Variants in RGSL1 observed in about 807,000 individuals in gnomAD.
RGSL1 encodes the protein regulator of G protein signaling protein-like.
A neutral mutation model predicts 124.7 loss-of-function variants in RGSL1; 97 were observed. The ratio of observed to expected loss-of-function variants is 0.78; its 90% CI spans 0.66 to 0.92. The LOEUF (loss-of-function observed/expected upper bound fraction) is 0.92. Among genes scored for constraint, RGSL1 ranks in the 40% least tolerant of loss-of-function variants. RGSL1 has a pLI of 0.00. For missense variants in RGSL1, 1,233 were observed against 1,288.4 expected (o/e 0.96, Z 0.66); for synonymous variants, 424 against 438.1 (o/e 0.97, Z 0.40).
At chr1:182,477,460 A>G (rs1654383984) in intron 6 of RGSL1, among the ~76,000 whole-genome samples, 1 of 152,150 alleles carries the variant, frequency 6.6e-6, no homozygotes, top group African/African-American at 2.4e-5. Flanking sequence ...CTGCCCTGAG[A>G]TCCAGCAGGA....
At chr1:182,453,251 T>C (rs1651994799) in intron 1 of RGSL1, 1 of 152,342 alleles carries the variant, frequency 6.6e-6, no homozygotes, top group East Asian at 1.9e-4. Context: ...ACCTACCAAG[T>C]TGAAATTTGA....
Position 182,473,946 on chromosome 1 carries a change from C to CT in RGSL1, c.836dup (p.Gln280ThrfsTer44). 3.9e-6 allele frequency: 6 copies of CT among 1,552,030 alleles called. No individual in the cohort carries two copies. Among genetic ancestry groups the CT allele is most frequent in the Non-Finnish European group, 5.2e-6 (6 of 1,147,070 alleles). ...CAAGCCAGATGCTATTGGTATGCCC[C>CT]TACAGGAGACATGTCCTCAAGAGAA... On this transcript the variant is annotated frameshift_variant, in exon 6 of 22. Coordinates refer to ENST00000294854, the MANE Select transcript of RGSL1 (RefSeq NM_001137669.2). LOFTEE classifies it high-confidence loss of function.
intron 18 of RGSL1, among the ~76,000 whole-genome samples, chr1:182,552,215 G>A (rs952723597): frequency 1.3e-5 from 2 of 151,946 alleles, no homozygotes; most frequent in Middle Eastern, 3.4e-3. Flanking sequence ...CTGGGTTCAC[G>A]CCATTCTCCT....
chr1:182,558,669 C>T (rs1227062170), intron 21 of RGSL1, among the ~76,000 whole-genome samples: 3 of 152,158 alleles, frequency 2.0e-5, no homozygotes, highest in Non-Finnish European at 4.4e-5. Context: ...TGGCTCATGG[C>T]CTTCTTCCTC....
chr1:182,490,843 C>A (rs1655464644), intron 8 of RGSL1, among the ~76,000 whole-genome samples: 1 of 152,028 alleles, frequency 6.6e-6, no homozygotes, highest in Non-Finnish European at 1.5e-5. Context: ...CAAATCAGAG[C>A]CTTGAATCTC....
chr1:182,522,109 G>A lies in RGSL1; in HGVS notation c.1931G>A (p.Arg644Lys). 1 of 1,542,924 alleles carries A rather than the reference G, an allele frequency of 6.5e-7. No individual in the cohort carries two copies. Among genetic ancestry groups the A allele is most frequent in the Non-Finnish European group, 8.8e-7 (1 of 1,141,318 alleles). The change falls in exon 10 of 22, where the codon AGA (arginine) becomes AAA (lysine). Residue 644 changes from arginine to lysine, a missense_variant and splice_region_variant. Transcript: ENST00000294854. ...GTAAGGAAGCCATCAATGAGACCCA[G>A]GTGAGATATAGAATCTGTTTACAGC... ...TLVRKPSMRP[R>K]NLTEVLLNTQ...
intron 6 of RGSL1, among the ~76,000 whole-genome samples, chr1:182,480,160 GAACTTT>G (rs1203905153): frequency 1.9e-4 from 29 of 152,112 alleles, no homozygotes; most frequent in Admixed American, 1.9e-3. Flanking sequence ...GTCATATACA[GAACTTT>G]CTACTCAACA....
chr1:182,485,663 CTG>C, intron 6 of RGSL1, among the ~76,000 whole-genome samples: 1 of 152,306 alleles, frequency 6.6e-6, no homozygotes, highest in Admixed American at 6.5e-5. Context: ...TCAGGTCTCA[CTG>C]CTATTTACTG....
chr1:182,498,717 A>AGTTTTTT (rs1656121630), intron 9 of RGSL1, among the ~76,000 whole-genome samples: 1 of 151,624 alleles, frequency 6.6e-6, no homozygotes, highest in Non-Finnish European at 1.5e-5. Context: ...GTTTAAATTC[A>AGTTTTTT]GTTTTTTGTT....
chr1:182,528,148 G>A (rs984849964), intron 11 of RGSL1, among the ~76,000 whole-genome samples: 1 of 152,088 alleles, frequency 6.6e-6, no homozygotes, highest in African/African-American at 2.4e-5. Context: ...GCCAAATGAA[G>A]GGGGAAGCCC....
chr1:182,532,700 T>A lies in RGSL1; in HGVS notation c.2403T>A (p.Ser801Arg). 6.5e-7 allele frequency: 1 copy of A among 1,550,260 alleles called. No individual in the cohort carries two copies. Residue 801 changes from serine (S) to arginine (R), a missense_variant, in exon 14 of 22, where the codon AGT (serine) becomes AGA (arginine). Transcript: ENST00000294854. ...GWMRMISFIRSFCKYRRFMLN... is the reference protein window; with the variant it reads ...GWMRMISFIRRFCKYRRFMLN... The stretch of plus-strand genomic sequence containing the variant: ...TGAGAATGATCAGCTTTATCAGGAG[T>A]TTTTGCAAGTACCGCAGATTTATGT...
intron 14 of RGSL1, among the ~76,000 whole-genome samples, chr1:182,539,222 C>T (rs2102295117): frequency 6.6e-6 from 1 of 152,214 alleles, no homozygotes; most frequent in East Asian, 1.9e-4. Flanking sequence ...AATTTATCAC[C>T]CTCTTTTCCC....
At position 182,460,068 on chromosome 1, in the gene RGSL1, C is replaced by G; in HGVS notation, c.236C>G (p.Thr79Arg). ...EKCRLPFFCK[T>R]NLCFHYILCQ... ...TGCCGATTACCTTTCTTCTGTAAAA[C>G]AAACTTGTGTTTCCATTACATTCTC... is the stretch of plus-strand genomic sequence containing the variant. Residue 79 changes from threonine (T) to arginine (R), a missense_variant, in exon 4 of 22, where the codon ACA (threonine) becomes AGA (arginine). Coordinates refer to ENST00000294854, the MANE Select transcript of RGSL1 (RefSeq NM_001137669.2). 1 of 1,551,584 alleles carries G rather than the reference C, an allele frequency of 6.4e-7. No individual in the cohort carries two copies. The highest frequency in any genetic ancestry group is 1.7e-4 in the Middle Eastern group (1 of 5,992).
chr1:182,498,900 C>G (rs1309265848), intron 9 of RGSL1, among the ~76,000 whole-genome samples: 2 of 151,614 alleles, frequency 1.3e-5, no homozygotes. Flanking sequence ...TCAAGCGATT[C>G]TCCTGCCTCA....
intron 18 of RGSL1, 47 bp downstream of exon 18, chr1:182,551,256 T>C (rs928481650): frequency 8.1e-6 from 12 of 1,476,076 alleles, no homozygotes; most frequent in Admixed American, 2.0e-5. Flanking sequence ...CAACCAAGAC[T>C]TGTGAAGAGA....
In RGSL1 at chr1:182,548,412, T is replaced by C. The variant is rs1218168756; in HGVS notation, c.2765T>C (p.Ile922Thr). 6.4e-7 allele frequency: 1 copy of C among 1,551,696 alleles called. No individual in the cohort carries two copies. Among genetic ancestry groups the C allele is most frequent in the South Asian group, 1.2e-5 (1 of 84,050 alleles). The change falls in exon 16 of 22, where the codon ATC becomes ACC. Residue 922 changes from isoleucine (I) to threonine (T), a missense_variant. Physicochemically the swap from Ile to Thr is moderately conservative, Grantham distance 89. Transcript: ENST00000294854. ...VILMRSKMNI[I>T]QKLFLNSDIP... ...CTAATGCGGTCCAAAATGAACATTA[T>C]CCAAAAACTCTTCCTGAATTCTGAC... is the stretch of plus-strand genomic sequence containing the variant.
intron 6 of RGSL1, among the ~76,000 whole-genome samples, chr1:182,480,460 G>A (rs1041662131): frequency 2.8e-5 from 4 of 142,192 alleles, no homozygotes; most frequent in Non-Finnish European, 4.6e-5. Context: ...AACATTACAA[G>A]TTTTTTTTTT....
At chr1:182,465,977 G>A (rs570387555) in intron 4 of RGSL1, among the ~76,000 whole-genome samples, 1 of 151,954 alleles carries the variant, frequency 6.6e-6, no homozygotes, top group Non-Finnish European at 1.5e-5. Flanking sequence ...GACCAAAAGG[G>A]ATATTTTTCC....
At chr1:182,481,637 G>C (rs1274836840) in intron 6 of RGSL1, among the ~76,000 whole-genome samples, 1 of 152,122 alleles carries the variant, frequency 6.6e-6, no homozygotes. Flanking sequence ...AAGAAGAAAA[G>C]TAAACCACGG....
Sources: allele counts gnomAD v4.1 joint callset (sites outside exome capture counted in the v4.1 genomes callset), GRCh38; gene constraint gnomAD v4.1.1; transcripts MANE v1.5; gene names NCBI Gene and HGNC (gene_info 2026-07-23, HGNC 2026-07-21).